Variants in ZNF462 observed in about 807,000 individuals in gnomAD.
ZNF462 encodes the protein zinc finger protein 462, also known as zinc finger PBX1-interacting protein.
A neutral mutation model predicts 201.9 loss-of-function variants in ZNF462; 10 were observed. The observed-to-expected ratio is 0.05, with a 90% confidence interval of 0.03 to 0.08. The LOEUF is 0.08. Ranked by LOEUF, ZNF462 falls within the 10% of genes least tolerant of loss-of-function variation. The pLI, the probability that ZNF462 is intolerant of heterozygous loss-of-function variation, is 1.00. For synonymous variants in ZNF462, 1,227 were observed against 1,193.3 expected (o/e 1.03, Z -0.58); for missense variants, 2,523 against 3,168.3 (o/e 0.80, Z 4.89).
At position 106,960,093 on chromosome 9, in the gene ZNF462, T is replaced by C. The variant is rs183536723; in HGVS notation, c.6428-11912T>C. ...CGCTCGGGGACAATTTTAGAAGAGC[T>C]CTGTGCTTTGAAATGTGGCTGCTCA... On this transcript the variant is annotated intron_variant, in intron 7 of 12. Transcript: ENST00000277225. 1.4e-3 allele frequency among the ~76,000 whole-genome samples: 210 copies of C among 152,200 alleles called. 3 individuals are homozygous for C. Among genetic ancestry groups the C allele is most frequent in the African/African-American group, 4.9e-3 (204 of 41,536 alleles).
chr9:106,948,272 G>T (rs1269021699), intron 7 of ZNF462, among the ~76,000 whole-genome samples: 2 of 152,164 alleles, frequency 1.3e-5, no homozygotes, highest in Non-Finnish European at 2.9e-5. Flanking sequence ...CTTAACACTG[G>T]GAAGAGGACT....
At chr9:106,863,111 G>GGA (rs138922616), upstream of ZNF462, 102 of 378,762 alleles carry the variant, frequency 2.7e-4, no homozygotes, top group Middle Eastern at 6.7e-4. Context: ...AGGGAGGGAG[G>GGA]GAGAGAGAGA....
In ZNF462 at chr9:106,915,708, A is replaced by C. The variant is rs146911468; in HGVS notation, c.-30-7646A>C. On this transcript the variant is annotated intron_variant, in intron 1 of 12. Coordinates refer to ENST00000277225, the MANE Select transcript of ZNF462 (RefSeq NM_021224.6). ...GTCAAGAAGAGGAAAACAAAAAATC[A>C]CAGTCCCCTTGAGTAGGAGGACTTG... Among the ~76,000 whole-genome samples, 520 of 152,328 alleles carry C rather than the reference A, an allele frequency of 3.4e-3. 1 individual carries two copies. The highest frequency in any genetic ancestry group is 0.012 in the African/African-American group (497 of 41,566).
Position 106,913,431 on chromosome 9 carries a change from G to A in ZNF462, c.-30-9923G>A, listed in dbSNP as rs557412898. Among the ~76,000 whole-genome samples the A allele has an allele frequency of 5.3e-5, 8 of 152,050 alleles. No individual in the cohort carries two copies. In the South Asian group the frequency reaches 1.7e-3, roughly 32 times the overall value. On this transcript the variant is annotated intron_variant, in intron 1 of 12. Transcript: ENST00000277225. The surrounding 1 kb of genome is among the most constrained non-coding windows in gnomAD (Gnocchi z 4.1). ...TCTCATCAGAGCCAGACTTATGCCG[G>A]GCCCTGGGGATATAAGAATAAAAAA...
chr9:107,007,407 G>A (rs1588208159), intron 11 of ZNF462, among the ~76,000 whole-genome samples: 1 of 152,178 alleles, frequency 6.6e-6, no homozygotes, highest in African/African-American at 2.4e-5. Context: ...GAACTTCAGG[G>A]TCTCCTCTTC....
In ZNF462 at chr9:106,863,535, AGAGGAGGAG is replaced by A. The variant is rs1012340328; in HGVS notation, c.-31+182_-31+190del. 3.5e-5 allele frequency among the ~76,000 whole-genome samples: 5 copies of A among 142,988 alleles called. No individual in the cohort carries two copies. In the East Asian group the frequency reaches 9.4e-4, roughly 27 times the overall value. 93.8% of individuals were successfully genotyped at this position (142,988 alleles called of 152,430 possible). ...GGAAGAGGAGAAGAAGCGAGAGAGA[AGAGGAGGAG>A]GGGGAGGAGGGAGAGCAGGAGGGGG... On this transcript the variant is annotated intron_variant, in intron 1 of 12. Transcript: ENST00000277225.
At chr9:106,869,833 C>T (rs1347904621) in intron 1 of ZNF462, among the ~76,000 whole-genome samples, 1 of 152,026 alleles carries the variant, frequency 6.6e-6, no homozygotes, top group Non-Finnish European at 1.5e-5. Context: ...TTTATAAGAC[C>T]CAGGAGAAGT....
chr9:106,959,152 G>A (rs1167698557), intron 7 of ZNF462, among the ~76,000 whole-genome samples: 2 of 152,052 alleles, frequency 1.3e-5, no homozygotes, highest in Non-Finnish European at 2.9e-5. Context: ...CTGAATCCAA[G>A]TCCCACAATC....
At position 106,920,754 on chromosome 9, in the gene ZNF462, G is replaced by A. The variant is rs1829958109; in HGVS notation, c.-30-2600G>A. Among the ~76,000 whole-genome samples the A allele has an allele frequency of 6.6e-6, 1 of 152,140 alleles. No individual in the cohort carries two copies. Among genetic ancestry groups the A allele is most frequent in the African/African-American group, 2.4e-5 (1 of 41,442 alleles). ...CTTCAGAAGACACCAAGATATTAGA[G>A]AACTACATAGAGAGATGAATTTCAT... On this transcript the variant is annotated intron_variant, in intron 1 of 12. Transcript: ENST00000277225. This position sits in a 1 kb window ranked among gnomAD's most constrained non-coding sequence, Gnocchi z 4.3.
chr9:106,925,522 TGCAGCA>T lies in ZNF462; in HGVS notation c.1614_1619del (p.Gln540_Gln541del), dbSNP rs780117495. On this transcript the variant is annotated inframe_deletion, in exon 3 of 13. Coordinates refer to ENST00000277225, the MANE Select transcript of ZNF462 (RefSeq NM_021224.6). This position sits in a 1 kb window ranked among gnomAD's most constrained non-coding sequence, Gnocchi z 7.9. Reference sequence around the variant, plus strand: ...AAGTCAGGAGTCATGTTGGATCCCTTGCAGCAGCAACAGCCACCGCAGCCACCACCA... The same window carrying T: ...AAGTCAGGAGTCATGTTGGATCCCTTGCAACAGCCACCGCAGCCACCACCA... 2 of 1,613,832 alleles carry T rather than the reference TGCAGCA, an allele frequency of 1.2e-6. No homozygotes were observed. Among genetic ancestry groups the T allele is most frequent in the African/African-American group, 2.7e-5 (2 of 74,860 alleles).
chr9:107,011,262 C>T lies in ZNF462; in HGVS notation c.*232C>T, dbSNP rs1245365911. The stretch of plus-strand genomic sequence containing the variant: ...TTTTCCATCACTACATCTTTTCTTC[C>T]GGATCTTCATCATGGAAGTTTCATT... On this transcript the variant is annotated 3_prime_UTR_variant, in exon 13 of 13. Transcript: ENST00000277225. The surrounding 1 kb of genome is among the most constrained non-coding windows in gnomAD (Gnocchi z 5.6). 9 of 488,388 alleles carry T rather than the reference C, an allele frequency of 1.8e-5. No individual in the cohort carries two copies. Among genetic ancestry groups the T allele is most frequent in the South Asian group, 4.6e-5 (2 of 43,736 alleles). The allele number at this position is 488,388 out of a possible 1,614,324, so 30.3% of individuals were successfully genotyped here. A position where few individuals can be genotyped will look rare whatever the true frequency, so the allele number is the denominator to read the frequency against.
chr9:106,928,361 C>T lies in ZNF462; in HGVS notation c.4449C>T (p.His1483=), dbSNP rs766456667. 9.3e-6 allele frequency: 15 copies of T among 1,614,050 alleles called. No homozygotes were observed. The highest frequency in any genetic ancestry group is 1.6e-4 in the Middle Eastern group (1 of 6,084). The change falls in exon 3 of 13, where the codon CAC becomes CAT. Residue 1483 remains histidine (H), a synonymous_variant. Coordinates refer to ENST00000277225, the MANE Select transcript of ZNF462 (RefSeq NM_021224.6). This position sits in a 1 kb window ranked among gnomAD's most constrained non-coding sequence, Gnocchi z 9.3. ...TVCQSEYNNL[H]GLLTHYGKKH... Reference sequence around the variant, plus strand: ...GCCAATCTGAGTATAACAACTTGCACGGCCTTCTCACTCATTATGGGAAGA... The same window carrying T: ...GCCAATCTGAGTATAACAACTTGCATGGCCTTCTCACTCATTATGGGAAGA...
chr9:106,943,247 A>G (rs13289237), intron 7 of ZNF462, among the ~76,000 whole-genome samples: 9 of 152,218 alleles, frequency 5.9e-5, no homozygotes, highest in Non-Finnish European at 8.8e-5. Context: ...GAGCTTGGCA[A>G]TTTCCTTTTG....
chr9:106,926,992 T>C lies in ZNF462; in HGVS notation c.3080T>C (p.Val1027Ala), dbSNP rs1658116810. 1.9e-6 allele frequency: 3 copies of C among 1,614,062 alleles called. No individual in the cohort carries two copies. Among genetic ancestry groups the C allele is most frequent in the African/African-American group, 2.7e-5 (2 of 74,934 alleles). ...CAGAAGGACCCTTTGGTCAACACTG[T>C]TGTTGTTTATGATTGTGATGTTTGT... ...ENQKDPLVNTVVVYDCDVCSF... is the reference protein window; with the variant it reads ...ENQKDPLVNTAVVYDCDVCSF... The change falls in exon 3 of 13, where the codon GTT becomes GCT. Residue 1027 changes from valine to alanine, a missense_variant. By Grantham distance (64) the Val-to-Ala change is moderately conservative. Around this residue, in one of 15 missense-constraint regions of ZNF462, gnomAD observed 280 missense variants for 321.3 expected, o/e 0.87. Coordinates refer to ENST00000277225, the MANE Select transcript of ZNF462 (RefSeq NM_021224.6). The surrounding 1 kb of genome is among the most constrained non-coding windows in gnomAD (Gnocchi z 7.9).
rs562614451 is a variant in ZNF462, at chr9:106,978,374, A to G, written c.6832+4101A>G. 5.3e-5 allele frequency among the ~76,000 whole-genome samples: 8 copies of G among 151,828 alleles called. No individual in the cohort carries two copies. The South Asian group carries it at 6.2e-4, about 12-fold the overall frequency. The stretch of plus-strand genomic sequence containing the variant: ...CAGAGAAGTATGTTCTGGCCAAAGT[A>G]TGAAGCGCCTGGATACTAATATAGA... On this transcript the variant is annotated intron_variant, in intron 9 of 12. Transcript: ENST00000277225. The surrounding 1 kb of genome is among the most constrained non-coding windows in gnomAD (Gnocchi z 4.1).
Position 106,930,422 on chromosome 9 carries a change from G to A in ZNF462, c.5848-103G>A, listed in dbSNP as rs1005849714. ...CTATATCTCCCTTGGTTTTTAACCT[G>A]CTAATCGGCTTTAAAATAAAGTATG... On this transcript the variant is annotated intron_variant, in intron 3 of 12. Coordinates refer to ENST00000277225, the MANE Select transcript of ZNF462 (RefSeq NM_021224.6). This position sits in a 1 kb window ranked among gnomAD's most constrained non-coding sequence, Gnocchi z 5.8. 6.2e-6 allele frequency: 9 copies of A among 1,454,062 alleles called. No individual in the cohort carries two copies. Among genetic ancestry groups the A allele is most frequent in the Non-Finnish European group, 8.4e-6 (9 of 1,076,214 alleles). 90.1% of individuals were successfully genotyped at this position (1,454,062 alleles called of 1,614,324 possible). A position where few individuals can be genotyped will look rare whatever the true frequency, so the allele number is the denominator to read the frequency against.
chr9:106,986,978 TAG>T (rs1827885462), intron 10 of ZNF462, among the ~76,000 whole-genome samples: 1 of 23,914 alleles, frequency 4.2e-5, no homozygotes, highest in African/African-American at 1.1e-4. Flanking sequence ...TATTCCATCA[TAG>T]ATAGATAGAT....
chr9:106,870,149 A>T lies in ZNF462; in HGVS notation c.-31+6794A>T, dbSNP rs949429561. Among the ~76,000 whole-genome samples the T allele has an allele frequency of 6.6e-6, 1 of 152,190 alleles. No individual in the cohort carries two copies. Among genetic ancestry groups the T allele is most frequent in the Non-Finnish European group, 1.5e-5 (1 of 68,038 alleles). On this transcript the variant is annotated intron_variant, in intron 1 of 12. Coordinates refer to ENST00000277225, the MANE Select transcript of ZNF462 (RefSeq NM_021224.6). This position sits in a 1 kb window ranked among gnomAD's most constrained non-coding sequence, Gnocchi z 4.3. ...TTTTCACGGCTTAGAAGGACAAAGG[A>T]TAGAGTGGTGTGGTGTGAGGAGGTG...
chr9:106,929,366 C>T lies in ZNF462; in HGVS notation c.5454C>T (p.Pro1818=). 1 of 1,614,112 alleles carries T rather than the reference C, an allele frequency of 6.2e-7. No individual in the cohort carries two copies. The highest frequency in any genetic ancestry group is 8.5e-7 in the Non-Finnish European group (1 of 1,180,034). The change falls in exon 3 of 13, where the codon CCC becomes CCT. Residue 1818 remains proline, a synonymous_variant. Coordinates refer to ENST00000277225, the MANE Select transcript of ZNF462 (RefSeq NM_021224.6). This position sits in a 1 kb window ranked among gnomAD's most constrained non-coding sequence, Gnocchi z 8.7. The stretch of plus-strand genomic sequence containing the variant: ...TCTATGCAGATGAGCATGAGAAGCC[C>T]ACACTGATGGAAGAAGAGGAGAGAG... ...TAVYADEHEK[P]TLMEEEERGN... is the part of the protein sequence containing the mutation.
Sources: allele counts gnomAD v4.1 joint callset (sites outside exome capture counted in the v4.1 genomes callset), GRCh38; gene constraint gnomAD v4.1.1; regional missense constraint gnomAD v4.1.1; non-coding constraint Gnocchi (gnomAD v3.1); transcripts MANE v1.5; gene names NCBI Gene and HGNC (gene_info 2026-07-23, HGNC 2026-07-21).